The following PARD3B variants were observed in gnomAD, a reference collection of about 807,000 sequenced individuals.
PARD3B encodes the protein par-3 family cell polarity regulator beta.
PARD3B carries 103 observed loss-of-function variants against 130.2 expected under a neutral mutation model. The observed-to-expected ratio is 0.79, with a 90% CI of 0.67 to 0.93. PARD3B has a LOEUF of 0.93. Among genes scored for constraint, PARD3B ranks in the 40% least tolerant of loss-of-function variants. The pLI, the probability that PARD3B is intolerant of heterozygous loss-of-function variation, is 0.00. For synonymous variants in PARD3B, 583 were observed against 553.2 expected (o/e 1.05, Z -0.76); for missense variants, 1,609 against 1,499.2 (o/e 1.07, Z -1.21).
At chr2:204,820,009 A>G (rs1421828388) in intron 2 of PARD3B, among the ~76,000 whole-genome samples, 2 of 151,476 alleles carry the variant, frequency 1.3e-5, no homozygotes, top group African/African-American at 4.9e-5. Flanking sequence ...CAGAAGCTGC[A>G]GCAAGTTGTC....
At chr2:205,051,036 C>T (rs537458852) in intron 4 of PARD3B, among the ~76,000 whole-genome samples, 2 of 152,224 alleles carry the variant, frequency 1.3e-5, no homozygotes, top group South Asian at 2.1e-4. Flanking sequence ...TTTTATTGTT[C>T]GCTCACTGAT....
chr2:205,210,711 G>A (rs2037582625), intron 15 of PARD3B, among the ~76,000 whole-genome samples: 1 of 151,948 alleles, frequency 6.6e-6, no homozygotes, highest in South Asian at 2.1e-4. Context: ...AAGAATCTGG[G>A]TGTCATCATT....
intron 21 of PARD3B, among the ~76,000 whole-genome samples, chr2:205,534,065 AAAAAGGGAC>A (rs1190510304): frequency 3.4e-5 from 5 of 145,096 alleles, no homozygotes; most frequent in African/African-American, 1.4e-4. Context: ...CAAAAAAAAA[AAAAAGGGAC>A]AAGAAGAGAC....
chr2:204,798,878 A>T (rs1177372095), intron 2 of PARD3B, among the ~76,000 whole-genome samples: 1 of 152,128 alleles, frequency 6.6e-6, no homozygotes, highest in Non-Finnish European at 1.5e-5. Flanking sequence ...TGTCAGCTGT[A>T]GCCAGTTAGT....
intron 1 of PARD3B, among the ~76,000 whole-genome samples, chr2:204,583,008 C>G (rs1040485944): frequency 2.0e-5 from 3 of 151,612 alleles, no homozygotes; most frequent in African/African-American, 7.3e-5. Context: ...GAAATAGGAA[C>G]ACTTTTACAC....
chr2:204,838,904 C>T (rs1279517435), intron 2 of PARD3B, among the ~76,000 whole-genome samples: 1 of 152,080 alleles, frequency 6.6e-6, no homozygotes, highest in Non-Finnish European at 1.5e-5. Flanking sequence ...GTTGAAAGGG[C>T]CTAACCTGGC....
At chr2:205,538,681 C>T (rs902155749) in intron 21 of PARD3B, among the ~76,000 whole-genome samples, 4 of 152,146 alleles carry the variant, frequency 2.6e-5, no homozygotes, top group Admixed American at 1.3e-4. Flanking sequence ...GGAATAGTAT[C>T]GGTGAAGAAG....
intron 1 of PARD3B, among the ~76,000 whole-genome samples, chr2:204,632,843 A>C (rs1341649537): frequency 6.6e-6 from 1 of 152,088 alleles, no homozygotes; most frequent in Admixed American, 6.5e-5. Context: ...GTGTTTCTCT[A>C]ATCAGTGTCA....
At chr2:205,057,377 C>CATATATACATGTATATGTGTT (rs1699722467) in intron 4 of PARD3B, among the ~76,000 whole-genome samples, 2 of 78,948 alleles carry the variant, frequency 2.5e-5, no homozygotes, top group African/African-American at 7.5e-5. Flanking sequence ...GTGTTATATA[C>CATATATACATGTATATGTGTT]ATATACATAT....
At chr2:205,364,731 CA>C (rs1295996043) in intron 18 of PARD3B, among the ~76,000 whole-genome samples, 1 of 152,204 alleles carries the variant, frequency 6.6e-6, no homozygotes, top group East Asian at 1.9e-4. Context: ...GTTCTGGTAA[CA>C]AAGACACTTA....
chr2:204,742,137 G>A (rs1222640823), intron 2 of PARD3B, among the ~76,000 whole-genome samples: 2 of 152,110 alleles, frequency 1.3e-5, no homozygotes, highest in African/African-American at 4.8e-5. Flanking sequence ...ATTGTTCTTA[G>A]TATTTAACAT....
At chr2:204,562,202 T>C (rs1482135858) in intron 1 of PARD3B, among the ~76,000 whole-genome samples, 3 of 152,136 alleles carry the variant, frequency 2.0e-5, no homozygotes, top group Non-Finnish European at 4.4e-5. Flanking sequence ...GTGTGCTAAA[T>C]TGATTTCACT....
intron 16 of PARD3B, among the ~76,000 whole-genome samples, chr2:205,282,577 G>A (rs1447842257): frequency 7.3e-6 from 1 of 137,746 alleles, no homozygotes; most frequent in Non-Finnish European, 1.7e-5. Flanking sequence ...CCCCAATCAT[G>A]TTTCTTAGAT....
rs1575433187 is a variant in PARD3B, at chr2:205,589,113, C to G, written c.3261-26343C>G. Among the ~76,000 whole-genome samples, 1 of 152,138 alleles carries G rather than the reference C, an allele frequency of 6.6e-6. No homozygotes were observed. Among genetic ancestry groups the G allele is most frequent in the Non-Finnish European group, 1.5e-5 (1 of 68,024 alleles). On this transcript the variant is annotated intron_variant, in intron 22 of 22. Transcript: ENST00000406610. The surrounding 1 kb of genome is among the most constrained non-coding windows in gnomAD (Gnocchi z 4.1). ...GACCAGTCTGGGTAACATGGCAAAA[C>G]CCCATTTCTACAAAAAATACAGATA...
intron 3 of PARD3B, among the ~76,000 whole-genome samples, chr2:204,987,115 C>T (rs1470883740): frequency 6.6e-6 from 1 of 152,012 alleles, no homozygotes; most frequent in African/African-American, 2.4e-5. Flanking sequence ...CCAAAGGTGC[C>T]TTTCCTCACA....
At chr2:204,764,253 G>A (rs1009080915) in intron 2 of PARD3B, among the ~76,000 whole-genome samples, 5 of 152,156 alleles carry the variant, frequency 3.3e-5, no homozygotes, top group Non-Finnish European at 5.9e-5. Flanking sequence ...CATCCTTCTA[G>A]TGTGCATGCA....
intron 16 of PARD3B, among the ~76,000 whole-genome samples, chr2:205,248,637 G>C (rs2039683786): frequency 1.6e-5 from 2 of 125,926 alleles, no homozygotes; most frequent in Non-Finnish European, 3.2e-5. Context: ...GAGACGGAGT[G>C]GCTCTGTCCG....
At chr2:205,070,646 A>G (rs1176215937) in intron 4 of PARD3B, among the ~76,000 whole-genome samples, 2 of 152,164 alleles carry the variant, frequency 1.3e-5, no homozygotes, top group Non-Finnish European at 2.9e-5. Context: ...TAAGATCAAA[A>G]GATACATAAT....
intron 2 of PARD3B, among the ~76,000 whole-genome samples, chr2:204,742,606 G>A (rs528904571): frequency 6.6e-5 from 10 of 152,208 alleles, no homozygotes; most frequent in African/African-American, 2.4e-4. Context: ...ATAATGGGAA[G>A]GTTGGATCAA....
Sources: allele counts gnomAD v4.1 joint callset (sites outside exome capture counted in the v4.1 genomes callset), GRCh38; gene constraint gnomAD v4.1.1; non-coding constraint Gnocchi (gnomAD v3.1); transcripts MANE v1.5; gene names NCBI Gene and HGNC (gene_info 2026-07-23, HGNC 2026-07-21).